Variants in PRKD2 observed in about 807,000 individuals in gnomAD.
PRKD2 encodes protein kinase D2.
Under a neutral mutation model 86.0 loss-of-function variants are expected in PRKD2, and 22 were observed. The ratio of observed to expected loss-of-function variants is 0.26; its 90% CI spans 0.18 to 0.37. The LOEUF (loss-of-function observed/expected upper bound fraction) is 0.37, where lower values mean the gene tolerates loss of function less well. PRKD2 is among the 10% of genes least tolerant of loss of function. PRKD2 has a pLI of 1.00. For synonymous variants in PRKD2, 509 were observed against 510.9 expected (o/e 1.00, Z 0.05); for missense variants, 818 against 1,199.2 (o/e 0.68, Z 4.70).
At position 46,693,921 on chromosome 19, in the gene PRKD2, G is replaced by A. The variant is rs752377745; in HGVS notation, c.1530C>T (p.Pro510=). ...WETAIRQALM[P]VILQDAPSAP... ...CGCTGGGTGCGTCCTGAAGGATGAC[G>A]GGCATCAGGGCCTGGCGGATGGCTG... Residue 510 remains proline (P), a synonymous_variant, in exon 10 of 18, where the codon CCC becomes CCT. Transcript: ENST00000291281. This position sits in a 1 kb window ranked among gnomAD's most constrained non-coding sequence, Gnocchi z 4.5. 3.0e-5 allele frequency: 49 copies of A among 1,609,754 alleles called. No homozygotes were observed. The highest frequency in any genetic ancestry group is 2.0e-4 in the East Asian group (9 of 44,856).
At chr19:46,702,833 G>T (rs1357794235) in intron 5 of PRKD2, among the ~76,000 whole-genome samples, 5 of 151,986 alleles carry the variant, frequency 3.3e-5, no homozygotes. Flanking sequence ...AACCACAGAT[G>T]CATGCTGCCA....
intron 14 of PRKD2, among the ~76,000 whole-genome samples, chr19:46,684,624 A>G (rs761252030): frequency 6.6e-6 from 1 of 152,088 alleles, no homozygotes; most frequent in Non-Finnish European, 1.5e-5. Context: ...CGCCCCGCCC[A>G]TTTCCAGATT....
In PRKD2 at chr19:46,704,548, G is replaced by A. The variant is rs2053684333; in HGVS notation, c.613C>T (p.His205Tyr). The A allele has an allele frequency of 6.2e-7, 1 of 1,614,138 alleles. No individual in the cohort carries two copies. Among genetic ancestry groups the A allele is most frequent in the African/African-American group, 1.3e-5 (1 of 75,054 alleles). ...RLSSTSLASG[H>Y]SVRLGTSESL... Reference sequence around the variant, plus strand: ...TCGGAGGTGCCGAGGCGCACCGAGTGGCCACTGGCCAGAGACGTGGATGAC... The same window carrying A: ...TCGGAGGTGCCGAGGCGCACCGAGTAGCCACTGGCCAGAGACGTGGATGAC... The change falls in exon 4 of 18, where the codon CAC becomes TAC. Residue 205 changes from histidine (H) to tyrosine (Y), a missense_variant. This residue lies in a region of PRKD2 where 403 missense variants were observed against 518.6 expected (regional missense o/e 0.78). Coordinates refer to ENST00000291281, the MANE Select transcript of PRKD2 (RefSeq NM_016457.5).
chr19:46,704,683 G>C, intron 3 of PRKD2, 34 bp from the exon 4 acceptor site: 1 of 1,565,156 alleles, frequency 6.4e-7, no homozygotes, highest in Non-Finnish European at 8.7e-7. Flanking sequence ...GAGACATGGC[G>C]TCTGCCCCTC....
intron 2 of PRKD2, among the ~76,000 whole-genome samples, chr19:46,712,836 G>A (rs1395705136): frequency 1.3e-5 from 2 of 152,154 alleles, no homozygotes; most frequent in Admixed American, 1.3e-4. Flanking sequence ...CTGAGAGCAT[G>A]CCCATCTATA....
At chr19:46,711,153 C>CTTT in intron 2 of PRKD2, 115 bp from the exon 3 acceptor site, 1 of 1,393,812 alleles carries the variant, frequency 7.2e-7, no homozygotes, top group Non-Finnish European at 9.7e-7. Flanking sequence ...ATCTTTCCTT[C>CTTT]CTTCCTTCAT....
At chr19:46,697,292 C>A (rs1189017528) in intron 8 of PRKD2, 58 bp from the exon 9 acceptor site, 1 of 1,338,708 alleles carries the variant, frequency 7.5e-7, no homozygotes, top group Non-Finnish European at 1.1e-6. Flanking sequence ...CAGTCCCTAT[C>A]CCGTGGAGCT....
intron 7 of PRKD2, among the ~76,000 whole-genome samples, chr19:46,698,776 T>G (rs1281409837): frequency 3.3e-5 from 5 of 152,136 alleles, no homozygotes; most frequent in Non-Finnish European, 7.4e-5. Flanking sequence ...ATTAAGTGAC[T>G]TGCTCAACTC....
chr19:46,710,635 C>T, intron 3 of PRKD2: 1 of 414,026 alleles, frequency 2.4e-6, no homozygotes, highest in Non-Finnish European at 4.4e-6. Context: ...CCCTTCTGCT[C>T]CCCTAGGCTC....
At chr19:46,701,860 C>T (rs779214338) in intron 5 of PRKD2, among the ~76,000 whole-genome samples, 12 of 151,882 alleles carry the variant, frequency 7.9e-5, no homozygotes, top group Non-Finnish European at 1.3e-4. Flanking sequence ...ACTATCCCAG[C>T]GTACCAAACA....
At chr19:46,706,933 C>T (rs952850042) in intron 3 of PRKD2, among the ~76,000 whole-genome samples, 7 of 149,956 alleles carry the variant, frequency 4.7e-5, no homozygotes, top group African/African-American at 1.7e-4. Context: ...CACCCTGTCA[C>T]CCAGGCTGGA....
chr19:46,696,812 G>A (rs1040277120), intron 9 of PRKD2, among the ~76,000 whole-genome samples: 19 of 152,092 alleles, frequency 1.2e-4, no homozygotes, highest in Admixed American at 1.0e-3. Context: ...AGAATTACTG[G>A]GAGCTTAATA....
chr19:46,703,778 A>C (rs7258877), intron 5 of PRKD2, among the ~76,000 whole-genome samples: 26 of 151,300 alleles, frequency 1.7e-4, no homozygotes, highest in African/African-American at 6.1e-4. Context: ...TCTCAAAAAA[A>C]AAAAAAAGAA....
intron 5 of PRKD2, among the ~76,000 whole-genome samples, 199 bp downstream of exon 5, chr19:46,703,958 AACACACACACAC>A (rs10528388): frequency 8.2e-5 from 11 of 133,740 alleles, no homozygotes; most frequent in Admixed American, 1.5e-4. Context: ...AAACAACAAC[AACACACACACAC>A]ACACACACAC....
chr19:46,705,963 TC>T (rs1167180425), intron 3 of PRKD2, among the ~76,000 whole-genome samples: 1 of 152,084 alleles, frequency 6.6e-6, no homozygotes, highest in Non-Finnish European at 1.5e-5. Context: ...GCTCAAGTAA[TC>T]CTCCTGCCTC....
At chr19:46,677,035 T>C (rs1182281248) in intron 16 of PRKD2, 1 of 133,958 alleles carries the variant, frequency 7.5e-6, no homozygotes, top group South Asian at 2.5e-4. Flanking sequence ...CACTCCAGCG[T>C]GGGTGAAAGA....
chr19:46,695,499 T>C (rs944503485), intron 9 of PRKD2, among the ~76,000 whole-genome samples: 1 of 152,078 alleles, frequency 6.6e-6, no homozygotes, highest in African/African-American at 2.4e-5. Context: ...AAACGTTTGA[T>C]AATAAATGGA....
chr19:46,708,240 C>A (rs985636533), intron 3 of PRKD2, among the ~76,000 whole-genome samples: 5 of 150,920 alleles, frequency 3.3e-5, no homozygotes, highest in Admixed American at 6.6e-5. Context: ...GAGACGGTGC[C>A]TTTATGGAGG....
intron 2 of PRKD2, among the ~76,000 whole-genome samples, chr19:46,712,330 C>T: frequency 6.6e-6 from 1 of 151,958 alleles, no homozygotes; most frequent in East Asian, 1.9e-4. Context: ...CACTTAAGAT[C>T]AGCAGTTCGA....
Sources: allele counts gnomAD v4.1 joint callset (sites outside exome capture counted in the v4.1 genomes callset), GRCh38; gene constraint gnomAD v4.1.1; regional missense constraint gnomAD v4.1.1; non-coding constraint Gnocchi (gnomAD v3.1); transcripts MANE v1.5; gene names NCBI Gene and HGNC (gene_info 2026-07-23, HGNC 2026-07-21).